The following SLC6A6 variants were observed in gnomAD, a reference collection of about 807,000 sequenced individuals.
SLC6A6 encodes solute carrier family 6 member 6.
In SLC6A6, 16 loss-of-function variants were observed where a neutral mutation model predicts 68.8. The ratio of observed to expected loss-of-function variants is 0.23; its 90% CI spans 0.16 to 0.35. The LOEUF (loss-of-function observed/expected upper bound fraction) is 0.35. Among genes scored for constraint, SLC6A6 ranks in the 10% least tolerant of loss-of-function variants. The probability of loss-of-function intolerance (pLI) is 1.00; values close to 1 mark genes in which losing one functional copy is unlikely to be tolerated. For synonymous variants in SLC6A6, 312 were observed against 315.4 expected (o/e 0.99, Z 0.12); for missense variants, 474 against 802.8 (o/e 0.59, Z 4.95).
chr3:14,437,568 C>T (rs758181326), intron 2 of SLC6A6, among the ~76,000 whole-genome samples: 3 of 152,256 alleles, frequency 2.0e-5, no homozygotes, highest in East Asian at 1.9e-4. Context: ...TGGATCAAGC[C>T]AATTAACTTA....
At chr3:14,484,602 T>C (rs919272320) in intron 14 of SLC6A6, among the ~76,000 whole-genome samples, 1 of 152,322 alleles carries the variant, frequency 6.6e-6, no homozygotes. Flanking sequence ...CCCCCATCCC[T>C]GTAGGAACGT....
At chr3:14,478,806 A>T in intron 12 of SLC6A6, 1 of 594,276 alleles carries the variant, frequency 1.7e-6, no homozygotes, top group Non-Finnish European at 3.0e-6. Context: ...CAGGACCTGG[A>T]ATACTCCTTT....
chr3:14,462,741 G>A (rs765272669), intron 6 of SLC6A6, among the ~76,000 whole-genome samples: 19 of 152,104 alleles, frequency 1.2e-4, no homozygotes, highest in Non-Finnish European at 2.8e-4. Flanking sequence ...AGAGGAACAG[G>A]TAATTCAGGT....
Position 14,471,867 on chromosome 3 carries a change from T to C in SLC6A6, c.1097-338T>C, listed in dbSNP as rs1574961928. On this transcript the variant is annotated intron_variant, in intron 9 of 14. Transcript: ENST00000622186. The stretch of plus-strand genomic sequence containing the variant: ...AGGCTGTCCACTCAATGGCTTTGCT[T>C]TGGGGTGGGAGGATCCTCCCTTTCC... 2.0e-5 allele frequency among the ~76,000 whole-genome samples: 3 copies of C among 152,320 alleles called. No homozygotes were observed. The South Asian group carries it at 6.2e-4, about 32-fold the overall frequency.
intron 1 of SLC6A6, among the ~76,000 whole-genome samples, chr3:14,413,870 G>A (rs1699306337): frequency 6.6e-6 from 1 of 152,210 alleles, no homozygotes; most frequent in Non-Finnish European, 1.5e-5. Flanking sequence ...GTTCAAGGCA[G>A]GGTATAGGTC....
chr3:14,417,501 G>A (rs1263344424), intron 2 of SLC6A6, among the ~76,000 whole-genome samples: 3 of 152,064 alleles, frequency 2.0e-5, no homozygotes, highest in African/African-American at 7.2e-5. Context: ...GGAGGCCAAG[G>A]TGGGCAGATC....
intron 6 of SLC6A6, among the ~76,000 whole-genome samples, chr3:14,465,922 G>A (rs570237918): frequency 6.6e-6 from 1 of 152,224 alleles, no homozygotes; most frequent in African/African-American, 2.4e-5. Context: ...CTTAGATGGT[G>A]CCTGGGACAA....
At chr3:14,442,610 C>G (rs1700017119) in intron 2 of SLC6A6, among the ~76,000 whole-genome samples, 1 of 152,200 alleles carries the variant, frequency 6.6e-6, no homozygotes, top group Non-Finnish European at 1.5e-5. Context: ...CAGGGTCGAG[C>G]TGACAGGGTG....
intron 3 of SLC6A6, 109 bp from the exon 4 acceptor site, chr3:14,445,608 T>G: frequency 8.0e-7 from 1 of 1,253,810 alleles, no homozygotes. Context: ...TTGAGCCTCA[T>G]GCCCCTCATG....
At chr3:14,445,598 T>C (rs1156440470) in intron 3 of SLC6A6, 119 bp from the exon 4 acceptor site, 2 of 1,179,248 alleles carry the variant, frequency 1.7e-6, no homozygotes, top group Non-Finnish European at 2.5e-6. Flanking sequence ...GAGTTTGGCC[T>C]TGAGCCTCAT....
At position 14,409,424 on chromosome 3, in the gene SLC6A6, C is replaced by T. The variant is rs548954608; in HGVS notation, c.-54+6577C>T. On this transcript the variant is annotated intron_variant, in intron 1 of 14. Coordinates refer to ENST00000622186, the MANE Select transcript of SLC6A6 (RefSeq NM_003043.6). ...TTGAGCATCCACGGTGCTTTATCCC[C>T]CTTCCTGTCTCAGAGATGAGTTCAT... Among the ~76,000 whole-genome samples the T allele has an allele frequency of 3.9e-5, 6 of 152,350 alleles. No individual in the cohort carries two copies. The East Asian group carries it at 5.8e-4, about 15-fold the overall frequency.
chr3:14,414,485 T>G (rs1699320813), intron 1 of SLC6A6, among the ~76,000 whole-genome samples: 1 of 152,066 alleles, frequency 6.6e-6, no homozygotes, highest in African/African-American at 2.4e-5. Flanking sequence ...GGGGCATGGG[T>G]GCCAGCAGGC....
intron 2 of SLC6A6, among the ~76,000 whole-genome samples, chr3:14,422,259 A>G (rs1699501424): frequency 6.6e-6 from 1 of 152,146 alleles, no homozygotes; most frequent in Non-Finnish European, 1.5e-5. Context: ...ATTCAGACCC[A>G]AATGCCCGCA....
At chr3:14,427,484 C>G (rs1699627012) in intron 2 of SLC6A6, among the ~76,000 whole-genome samples, 1 of 152,210 alleles carries the variant, frequency 6.6e-6, no homozygotes, top group African/African-American at 2.4e-5. Context: ...CCTTCCCAGG[C>G]CTCTGTCTGC....
chr3:14,471,025 A>C (rs963988623), intron 9 of SLC6A6, among the ~76,000 whole-genome samples: 2 of 152,014 alleles, frequency 1.3e-5, no homozygotes, highest in African/African-American at 4.8e-5. Flanking sequence ...AATTTATTGT[A>C]AAGTTGGGTT....
chr3:14,440,959 G>T (rs1208906116), intron 2 of SLC6A6, among the ~76,000 whole-genome samples: 1 of 152,198 alleles, frequency 6.6e-6, no homozygotes, highest in East Asian at 1.9e-4. Context: ...CTCAGCCCCA[G>T]GTGGTGGGAC....
At chr3:14,436,532 T>G (rs1428552723) in intron 2 of SLC6A6, among the ~76,000 whole-genome samples, 9 of 3,992 alleles carry the variant, frequency 2.3e-3, no homozygotes, top group African/African-American at 0.011. Context: ...AACAACTCCC[T>G]TTTTTTTTTT....
chr3:14,458,210 C>T (rs1700415158), intron 6 of SLC6A6, 128 bp downstream of exon 6: 1 of 807,656 alleles, frequency 1.2e-6, no homozygotes, highest in East Asian at 2.5e-5. Flanking sequence ...TGCTGGTAAG[C>T]CCGCCCTCTG....
At chr3:14,431,876 G>C (rs6801774) in intron 2 of SLC6A6, among the ~76,000 whole-genome samples, 39,008 of 152,144 alleles carry the variant, frequency 0.26, 5,086 homozygotes, top group South Asian at 0.32. Context: ...CAAGGAGGGG[G>C]AGGTTGTTTG....
Sources: gnomAD v4.1 joint callset for allele counts (sites outside exome capture counted in the v4.1 genomes callset) on GRCh38, gnomAD v4.1.1 for gene constraint, MANE v1.5 for transcripts, NCBI Gene and HGNC (gene_info 2026-07-23, HGNC 2026-07-21) for gene names.